The following PBX3 variants were observed in gnomAD, a reference collection of about 807,000 sequenced individuals.
PBX3 encodes pre-B-cell leukemia transcription factor 3.
In PBX3, 14 loss-of-function variants were observed where a neutral mutation model predicts 48.5. The observed-to-expected ratio is 0.29, with a 90% CI of 0.19 to 0.45. The LOEUF (loss-of-function observed/expected upper bound fraction) is 0.45, where lower values mean the gene tolerates loss of function less well. Ranked by LOEUF, PBX3 falls within the 20% of genes least tolerant of loss-of-function variation. PBX3 has a pLI of 1.00. For missense variants in PBX3, 386 were observed against 546.7 expected (o/e 0.71, Z 2.93); for synonymous variants, 210 against 200.3 (o/e 1.05, Z -0.41).
intron 2 of PBX3, among the ~76,000 whole-genome samples, chr9:125,899,213 A>G (rs540087106): frequency 2.5e-5 from 3 of 120,392 alleles, no homozygotes; most frequent in African/African-American, 8.7e-5. Context: ...TTATAAATAT[A>G]CATATGTATA....
rs1162987362 is a variant in PBX3, at chr9:125,779,525, A to G, written c.274+30902A>G. On this transcript the variant is annotated intron_variant, in intron 2 of 8. Coordinates refer to ENST00000373489, the MANE Select transcript of PBX3 (RefSeq NM_006195.6). The stretch of plus-strand genomic sequence containing the variant: ...GCACATCTTGCACCGCCCTTAATCC[A>G]TTTAACCCTGAGTGGACACAGCACA... Among the ~76,000 whole-genome samples the G allele has an allele frequency of 1.5e-3, 164 of 108,020 alleles. 2 individuals carry two copies. The highest frequency in any genetic ancestry group is 8.9e-3 in the Admixed American group (90 of 10,140). 70.9% of individuals were successfully genotyped at this position (108,020 alleles called of 152,430 possible).
At chr9:125,859,953 C>A (rs10986988) in intron 2 of PBX3, among the ~76,000 whole-genome samples, 2 of 152,114 alleles carry the variant, frequency 1.3e-5, no homozygotes, top group African/African-American at 4.8e-5. Context: ...CTTGAGGGAA[C>A]TGAAAAAACA....
intron 2 of PBX3, among the ~76,000 whole-genome samples, chr9:125,768,317 T>G (rs1449602283): frequency 2.0e-5 from 3 of 152,188 alleles, no homozygotes; most frequent in South Asian, 2.1e-4. Context: ...GTAAAGACTT[T>G]TGAAGAGAAT....
In PBX3 at chr9:125,938,452, T is replaced by C. The variant is rs78287166; in HGVS notation, c.843+2845T>C. Among the ~76,000 whole-genome samples the C allele has an allele frequency of 7.8e-3, 1,185 of 152,278 alleles. 13 individuals carry two copies. Among genetic ancestry groups the C allele is most frequent in the African/African-American group, 0.028 (1,145 of 41,562 alleles). ...TCTTAAAGTGTCTCTCCATAGACCATTTAAAGTTACAAGAGATTTAAAAAA... is the reference window on the plus strand; with the variant it reads ...TCTTAAAGTGTCTCTCCATAGACCACTTAAAGTTACAAGAGATTTAAAAAA... On this transcript the variant is annotated intron_variant, in intron 5 of 8. Coordinates refer to ENST00000373489, the MANE Select transcript of PBX3 (RefSeq NM_006195.6).
intron 2 of PBX3, among the ~76,000 whole-genome samples, chr9:125,762,378 AATTCTT>A (rs1836692859): frequency 6.6e-6 from 1 of 152,098 alleles, no homozygotes; most frequent in East Asian, 1.9e-4. Context: ...TTCCTTCTCA[AATTCTT>A]TACCTTTGAG....
At chr9:125,757,811 A>G (rs1425840697) in intron 2 of PBX3, among the ~76,000 whole-genome samples, 1 of 152,238 alleles carries the variant, frequency 6.6e-6, no homozygotes, top group African/African-American at 2.4e-5. Flanking sequence ...ATTATAGCAC[A>G]GGGCTGTCAC....
chr9:125,900,473 A>G (rs1229866453), intron 2 of PBX3, among the ~76,000 whole-genome samples: 1 of 151,616 alleles, frequency 6.6e-6, no homozygotes, highest in African/African-American at 2.4e-5. Context: ...TATTGTTAAA[A>G]TCAGGCCGCA....
intron 5 of PBX3, among the ~76,000 whole-genome samples, chr9:125,958,493 A>G (rs543587544): frequency 1.3e-5 from 2 of 152,356 alleles, no homozygotes; most frequent in South Asian, 4.1e-4. Context: ...AGATGTTGGA[A>G]GTAGGACCAA....
At chr9:125,789,151 A>G (rs1294599223) in intron 2 of PBX3, among the ~76,000 whole-genome samples, 2 of 152,056 alleles carry the variant, frequency 1.3e-5, no homozygotes, top group Non-Finnish European at 2.9e-5. Flanking sequence ...TTATTCTGTA[A>G]TTTCCTTCTT....
chr9:125,768,941 A>G (rs943900952), intron 2 of PBX3, among the ~76,000 whole-genome samples: 2 of 152,234 alleles, frequency 1.3e-5, no homozygotes, highest in Non-Finnish European at 2.9e-5. Flanking sequence ...AGGTCTGCCA[A>G]AATAAGCTGA....
chr9:125,960,915 A>G, intron 6 of PBX3, 66 bp downstream of exon 6: 1 of 1,513,172 alleles, frequency 6.6e-7, no homozygotes, highest in Non-Finnish European at 9.0e-7. Context: ...CCTGTCCCAC[A>G]GGCCAGGAAA....
At chr9:125,895,477 A>G (rs941517074) in intron 2 of PBX3, among the ~76,000 whole-genome samples, 11 of 151,960 alleles carry the variant, frequency 7.2e-5, no homozygotes, top group African/African-American at 2.4e-4. Flanking sequence ...TTAAACTTGC[A>G]TTTTCTTTCA....
At chr9:125,871,219 A>C (rs1008452761) in intron 2 of PBX3, among the ~76,000 whole-genome samples, 1 of 152,132 alleles carries the variant, frequency 6.6e-6, no homozygotes, top group Admixed American at 6.5e-5. Context: ...CAACATAGTG[A>C]AACCCCATCT....
chr9:125,900,430 G>T (rs577776178), intron 2 of PBX3, among the ~76,000 whole-genome samples: 1 of 151,536 alleles, frequency 6.6e-6, no homozygotes, highest in African/African-American at 2.4e-5. Flanking sequence ...TCTGAATAGT[G>T]AATTACCTTT....
intron 2 of PBX3, among the ~76,000 whole-genome samples, chr9:125,881,670 G>T (rs1840384977): frequency 6.6e-6 from 1 of 151,872 alleles, no homozygotes; most frequent in African/African-American, 2.4e-5. Context: ...CAAGGCTAGG[G>T]TGTAGCAGTA....
intron 2 of PBX3, among the ~76,000 whole-genome samples, chr9:125,833,829 G>T (rs532200138): frequency 6.6e-6 from 1 of 152,170 alleles, no homozygotes; most frequent in Non-Finnish European, 1.5e-5. Flanking sequence ...TTTTTGTGTA[G>T]ACATATATTT....
intron 3 of PBX3, among the ~76,000 whole-genome samples, chr9:125,923,388 C>T (rs947004938): frequency 3.9e-5 from 6 of 152,156 alleles, no homozygotes; most frequent in East Asian, 1.9e-4. Flanking sequence ...AACAGTGTTA[C>T]GTGGCATTAG....
intron 2 of PBX3, among the ~76,000 whole-genome samples, chr9:125,782,706 G>A (rs1260419606): frequency 6.6e-6 from 1 of 152,126 alleles, no homozygotes; most frequent in East Asian, 1.9e-4. Context: ...TCAGCCCGAA[G>A]GACCCTTTTT....
intron 2 of PBX3, among the ~76,000 whole-genome samples, chr9:125,777,155 A>G (rs1837095799): frequency 6.7e-6 from 1 of 148,332 alleles, no homozygotes; most frequent in South Asian, 2.2e-4. Flanking sequence ...GGGACTACAG[A>G]TATGTGCCAC....
Sources: allele counts gnomAD v4.1 joint callset (sites outside exome capture counted in the v4.1 genomes callset), GRCh38; gene constraint gnomAD v4.1.1; transcripts MANE v1.5; gene names NCBI Gene and HGNC (gene_info 2026-07-23, HGNC 2026-07-21).